CSMD1: variants seen among roughly 807,000 people sequenced by gnomAD.
CSMD1 encodes CUB and sushi domain-containing protein 1.
Under a neutral mutation model 417.5 loss-of-function variants are expected in CSMD1, and 213 were observed. That is an observed-to-expected ratio of 0.51 (90% CI 0.46 to 0.57). The LOEUF (loss-of-function observed/expected upper bound fraction) is 0.57. Among genes scored for constraint, CSMD1 ranks in the 20% least tolerant of loss-of-function variants. The pLI, the probability that CSMD1 is intolerant of heterozygous loss-of-function variation, is 0.00. For synonymous variants in CSMD1, 2,862 were observed against 1,736.8 expected (o/e 1.65, Z -16.11); for missense variants, 6,923 against 4,529.7 (o/e 1.53, Z -15.17).
intron 1 of CSMD1, among the ~76,000 whole-genome samples, chr8:4,918,752 A>G (rs1287839575): frequency 6.6e-6 from 1 of 152,186 alleles, no homozygotes; most frequent in Admixed American, 6.5e-5. Context: ...TTCCACACAT[A>G]TATGCAGGTA....
chr8:3,701,199 G>A lies in CSMD1; in HGVS notation c.1009+7215C>T, dbSNP rs148886709. On this transcript the variant is annotated intron_variant, in intron 7 of 69. Coordinates refer to ENST00000635120, the MANE Select transcript of CSMD1 (RefSeq NM_033225.6). ...GCCCGTGGATAGGAAGTTCTGGCCCGTAGAAGAGAAATGCAGGTTAAGCCA... is the reference window on the plus strand; with the variant it reads ...GCCCGTGGATAGGAAGTTCTGGCCCATAGAAGAGAAATGCAGGTTAAGCCA... Among the ~76,000 whole-genome samples the A allele has an allele frequency of 2.7e-3, 408 of 152,228 alleles. 2 individuals are homozygous for A. The highest frequency in any genetic ancestry group is 8.9e-3 in the African/African-American group (370 of 41,538).
At chr8:4,327,869 A>G (rs1021207252) in intron 3 of CSMD1, among the ~76,000 whole-genome samples, 1 of 152,196 alleles carries the variant, frequency 6.6e-6, no homozygotes, top group African/African-American at 2.4e-5. Context: ...TTGTAAAACA[A>G]AAAACTTTAA....
At chr8:4,235,864 C>T (rs1245506671) in intron 3 of CSMD1, among the ~76,000 whole-genome samples, 1 of 152,114 alleles carries the variant, frequency 6.6e-6, no homozygotes, top group Non-Finnish European at 1.5e-5. Flanking sequence ...TTGATTCTAA[C>T]TGAGGAATAG....
intron 7 of CSMD1, 76 bp downstream of exon 7, chr8:3,708,338 C>G: frequency 1.7e-6 from 2 of 1,199,280 alleles, no homozygotes; most frequent in Non-Finnish European, 2.5e-6. Context: ...TGGGTGGGAT[C>G]GCTTCTTAAC....
intron 1 of CSMD1, among the ~76,000 whole-genome samples, chr8:4,718,267 A>C (rs1342260597): frequency 2.0e-5 from 3 of 151,604 alleles, no homozygotes; most frequent in Non-Finnish European, 4.4e-5. Context: ...GTGAGCCACC[A>C]TGCTAAACCA....
intron 3 of CSMD1, among the ~76,000 whole-genome samples, chr8:4,064,269 T>C (rs2554698): frequency 0.19 from 28,887 of 152,168 alleles, 3,119 homozygotes; most frequent in African/African-American, 0.29. Context: ...CAGTCTTCCC[T>C]TTTTTATCGT....
intron 3 of CSMD1, among the ~76,000 whole-genome samples, chr8:4,363,458 C>T (rs1166484821): frequency 2.0e-5 from 3 of 152,180 alleles, no homozygotes; most frequent in African/African-American, 7.2e-5. Context: ...CTTTCCAGCT[C>T]TATCTTCCCC....
rs869248314 is a variant in CSMD1 at position 3,565,131 on chromosome 8, C to CAAAAAAAAAAAAAAAAAAAAAAAAAAA, written c.1344+9787_1344+9813dup. On this transcript the variant is annotated intron_variant, in intron 10 of 69. Transcript: ENST00000635120. Reference sequence around the variant, plus strand: ...TACTTAACTCTGTAGTGCAAGACAGCAAAAAAAAAAAAAAAAAAAAAAAAA... The same window carrying CAAAAAAAAAAAAAAAAAAAAAAAAAAA: ...TACTTAACTCTGTAGTGCAAGACAGCAAAAAAAAAAAAAAAAAAAAAAAAAAAAAAAAAAAAAAAAAAAAAAAAAAAA... Among the ~76,000 whole-genome samples, 3 of 10,448 alleles carry CAAAAAAAAAAAAAAAAAAAAAAAAAAA rather than the reference C, an allele frequency of 2.9e-4. 1 individual carries two copies. Among genetic ancestry groups the CAAAAAAAAAAAAAAAAAAAAAAAAAAA allele is most frequent in the Non-Finnish European group, 3.7e-4 (2 of 5,366 alleles). 6.9% of individuals were successfully genotyped at this position (10,448 alleles called of 152,430 possible).
chr8:4,892,010 T>C (rs927444971), intron 1 of CSMD1, among the ~76,000 whole-genome samples: 4 of 152,066 alleles, frequency 2.6e-5, no homozygotes, highest in African/African-American at 4.8e-5. Context: ...AACACTGTAA[T>C]GAGAGCACCA....
chr8:3,673,470 G>A (rs962343711), intron 7 of CSMD1, among the ~76,000 whole-genome samples: 1 of 152,144 alleles, frequency 6.6e-6, no homozygotes, highest in African/African-American at 2.4e-5. Flanking sequence ...TGACAAGCAA[G>A]AATGTGTTTA....
At chr8:3,021,933 T>C (rs1809447781) in intron 51 of CSMD1, among the ~76,000 whole-genome samples, 2 of 133,058 alleles carry the variant, frequency 1.5e-5, no homozygotes, top group South Asian at 2.4e-4. Context: ...TCCCACAGCA[T>C]CCGGAAAGCA....
chr8:4,848,142 G>C (rs527877144), intron 1 of CSMD1, among the ~76,000 whole-genome samples: 2 of 152,160 alleles, frequency 1.3e-5, no homozygotes, highest in Admixed American at 1.3e-4. Flanking sequence ...GCTGCAGCAT[G>C]TATTAGTACT....
chr8:3,020,713 C>G (rs750894307), intron 51 of CSMD1, among the ~76,000 whole-genome samples: 4 of 152,082 alleles, frequency 2.6e-5, no homozygotes, highest in African/African-American at 7.2e-5. Flanking sequence ...CTCAAATGTT[C>G]AGACAGAGAC....
intron 1 of CSMD1, among the ~76,000 whole-genome samples, chr8:4,721,227 T>C (rs568050396): frequency 3.3e-5 from 5 of 152,308 alleles, no homozygotes; most frequent in East Asian, 1.9e-4. Context: ...AACATAGGAA[T>C]TGTGTTTTCC....
At chr8:4,785,328 G>C (rs78894479) in intron 1 of CSMD1, among the ~76,000 whole-genome samples, 1,594 of 152,286 alleles carry the variant, frequency 0.01, 12 homozygotes, top group East Asian at 0.056. Context: ...ATTGGTGGAA[G>C]ACTTTGCTCT....
At chr8:4,300,221 T>C (rs1797906654) in intron 3 of CSMD1, among the ~76,000 whole-genome samples, 1 of 152,230 alleles carries the variant, frequency 6.6e-6, no homozygotes, top group Non-Finnish European at 1.5e-5. Flanking sequence ...TGTTCAGTTT[T>C]GATAATGTAT....
intron 15 of CSMD1, among the ~76,000 whole-genome samples, chr8:3,403,207 CAATA>C (rs1812143159): frequency 6.6e-6 from 1 of 152,160 alleles, no homozygotes; most frequent in Non-Finnish European, 1.5e-5. Context: ...TCAAGAAAAA[CAATA>C]AATAAGAGTA....
chr8:4,893,948 GC>G (rs1258800645), intron 1 of CSMD1, among the ~76,000 whole-genome samples: 1 of 152,050 alleles, frequency 6.6e-6, no homozygotes, highest in East Asian at 1.9e-4. Flanking sequence ...ATGTTGTAAA[GC>G]TTTTTGTCTT....
intron 27 of CSMD1, among the ~76,000 whole-genome samples, chr8:3,228,656 G>C (rs528525123): frequency 6.6e-6 from 1 of 151,930 alleles, no homozygotes; most frequent in East Asian, 1.9e-4. Flanking sequence ...ATTAGGAGAT[G>C]GCCAACTTTT....
Sources: gnomAD v4.1 joint callset for allele counts (sites outside exome capture counted in the v4.1 genomes callset) on GRCh38, gnomAD v4.1.1 for gene constraint, MANE v1.5 for transcripts, NCBI Gene and HGNC (gene_info 2026-07-23, HGNC 2026-07-21) for gene names.